Variants in KNSTRN observed in about 807,000 individuals in gnomAD.
KNSTRN encodes kinetochore localized astrin (SPAG5) binding protein, also known as small kinetochore-associated protein.
In KNSTRN, 38 loss-of-function variants were observed where a neutral mutation model predicts 44.7. That is an observed-to-expected ratio of 0.85 (90% confidence interval 0.66 to 1.11). KNSTRN has a LOEUF of 1.11. Ranked by LOEUF, KNSTRN falls within the 50% of genes most tolerant of loss-of-function variation. KNSTRN has a pLI of 0.00. For synonymous variants in KNSTRN, 158 were observed against 148.1 expected (o/e 1.07, Z -0.48); for missense variants, 406 against 375.8 (o/e 1.08, Z -0.66).
chr15:40,386,205 C>A (rs571787315), intron 2 of KNSTRN, among the ~76,000 whole-genome samples, 157 bp from the exon 3 acceptor site: 29 of 151,674 alleles, frequency 1.9e-4, no homozygotes, highest in African/African-American at 6.3e-4. Context: ...CCAGCCTGGG[C>A]CACAGAGCAA....
rs533764900 is a variant in KNSTRN, at chr15:40,390,340, TG to T, written c.685+414del. Among the ~76,000 whole-genome samples the T allele has an allele frequency of 2.6e-5, 4 of 152,346 alleles. No homozygotes were observed. The South Asian group carries it at 6.2e-4, about 24-fold the overall frequency. ...TTTCAAGCATACTAGTAATCCCAAATGGGAAGAGAAAGAAAATACTATTTCA... is the reference window on the plus strand; with the variant it reads ...TTTCAAGCATACTAGTAATCCCAAATGGAAGAGAAAGAAAATACTATTTCA... On this transcript the variant is annotated intron_variant, in intron 6 of 8. Coordinates refer to ENST00000249776, the MANE Select transcript of KNSTRN (RefSeq NM_033286.4).
At chr15:40,389,438 A>G in intron 4 of KNSTRN, 68 bp from the exon 5 acceptor site, 4 of 1,172,958 alleles carry the variant, frequency 3.4e-6, no homozygotes, top group East Asian at 4.7e-5. Context: ...GGCATGAGCT[A>G]CCGCACCTGG....
intron 6 of KNSTRN, 71 bp downstream of exon 6, chr15:40,390,000 G>A: frequency 1.7e-6 from 2 of 1,211,982 alleles, no homozygotes; most frequent in South Asian, 2.4e-5. Context: ...GTTGATCTTG[G>A]CAGCATGGCA....
chr15:40,386,072 T>G (rs1171979125), intron 2 of KNSTRN, among the ~76,000 whole-genome samples: 1 of 152,150 alleles, frequency 6.6e-6, no homozygotes, highest in Non-Finnish European at 1.5e-5. Flanking sequence ...CCTGTCTCTA[T>G]TTTTAAAATT....
intron 2 of KNSTRN, chr15:40,384,008 A>G: frequency 6.4e-6 from 1 of 157,006 alleles, no homozygotes; most frequent in Admixed American, 6.4e-5. Context: ...GTTGTGGGAG[A>G]TTATGGAGTA....
At chr15:40,390,625 T>C (rs1022695247) in intron 6 of KNSTRN, among the ~76,000 whole-genome samples, 1 of 152,150 alleles carries the variant, frequency 6.6e-6, no homozygotes, top group Non-Finnish European at 1.5e-5. Flanking sequence ...TATTCTTTTT[T>C]TTTTTTTGAG....
In KNSTRN at chr15:40,387,159, G is replaced by A. The variant is rs376714140; in HGVS notation, c.438G>A (p.Gly146=). 1 of 1,611,366 alleles carries A rather than the reference G, an allele frequency of 6.2e-7. No individual in the cohort carries two copies. Among genetic ancestry groups the A allele is most frequent in the African/African-American group, 1.3e-5 (1 of 74,820 alleles). The change falls in exon 4 of 9, where the codon GGG becomes GGA. Residue 146 remains glycine, a splice_region_variant and synonymous_variant. Transcript: ENST00000249776. Reference sequence around the variant, plus strand: ...CATTTCTTTGTTTCTGCCCTCCTAGGCAAATGAAAGCTACTGACACTGCCA... The same window carrying A: ...CATTTCTTTGTTTCTGCCCTCCTAGACAAATGAAAGCTACTGACACTGCCA... ...TKITKLRREN[G]QMKATDTATR...
intron 5 of KNSTRN, 78 bp from the exon 6 acceptor site, chr15:40,389,758 C>T (rs764400907): frequency 3.4e-6 from 5 of 1,463,556 alleles, no homozygotes; most frequent in South Asian, 1.1e-5. Flanking sequence ...TATGGCTGTC[C>T]AAGAGCAAGG....
intron 4 of KNSTRN, among the ~76,000 whole-genome samples, chr15:40,388,368 T>G (rs572952351): frequency 6.6e-6 from 1 of 152,368 alleles, no homozygotes; most frequent in Admixed American, 6.5e-5. Flanking sequence ...GAACACGCTC[T>G]TAAGACACAG....
intron 6 of KNSTRN, among the ~76,000 whole-genome samples, chr15:40,390,904 C>T (rs1467333553): frequency 1.3e-5 from 2 of 152,078 alleles, no homozygotes. Flanking sequence ...CATGAGTTAC[C>T]ATGCCCAGCC....
intron 8 of KNSTRN, 85 bp downstream of exon 8, chr15:40,392,108 T>C: frequency 2.5e-6 from 2 of 808,132 alleles, no homozygotes; most frequent in Non-Finnish European, 3.8e-6. Flanking sequence ...TATTTATTTT[T>C]AATAAACTTT....
intron 7 of KNSTRN, 52 bp from the exon 8 acceptor site, chr15:40,391,897 C>T: frequency 7.1e-7 from 1 of 1,403,784 alleles, no homozygotes; most frequent in East Asian, 2.3e-5. Context: ...TCATCTAATG[C>T]AAGTCTGGTT....
intron 2 of KNSTRN, among the ~76,000 whole-genome samples, chr15:40,385,423 G>A (rs1173390738): frequency 6.6e-6 from 1 of 152,196 alleles, no homozygotes; most frequent in East Asian, 1.9e-4. Flanking sequence ...ACTTAACAAA[G>A]GGTAAACAAA....
Position 40,393,768 on chromosome 15 carries a change from C to A in KNSTRN, c.*171C>A. On this transcript the variant is annotated 3_prime_UTR_variant, in exon 9 of 9. Transcript: ENST00000249776. The stretch of plus-strand genomic sequence containing the variant: ...CTGAAATGGCAATTCCTCATTTAAG[C>A]AAGTTTTCCCAACCTTCAGGTTGGT... 1.8e-6 allele frequency: 1 copy of A among 560,462 alleles called. No individual in the cohort carries two copies. The highest frequency in any genetic ancestry group is 2.9e-6 in the Non-Finnish European group (1 of 340,174). The allele number at this position is 560,462 out of a possible 1,614,324, so 34.7% of individuals were successfully genotyped here.
At position 40,389,519 on chromosome 15, in the gene KNSTRN, A is replaced by C. The variant is rs1349135469; in HGVS notation, c.499A>C (p.Ser167Arg). The change falls in exon 5 of 9, where the codon AGT (serine) becomes CGT (arginine). Residue 167 changes from serine to arginine, a missense_variant. Physicochemically the swap from Ser to Arg is moderately radical, Grantham distance 110. Transcript: ENST00000249776. ...RNVRKGYKPLSKQKSEEELKD... is the reference protein window; with the variant it reads ...RNVRKGYKPLRKQKSEEELKD... ...CTATTATTACAGCTACAAACCACTGAGTAAGCAAAAATCAGAGGAAGAGCT... is the reference window on the plus strand; with the variant it reads ...CTATTATTACAGCTACAAACCACTGCGTAAGCAAAAATCAGAGGAAGAGCT... 4 of 1,613,658 alleles carry C rather than the reference A, an allele frequency of 2.5e-6. No individual in the cohort carries two copies. The South Asian group carries it at 3.3e-5, about 13-fold the overall frequency.
At chr15:40,387,407 A>G (rs1355496559) in intron 4 of KNSTRN, among the ~76,000 whole-genome samples, 3 of 152,174 alleles carry the variant, frequency 2.0e-5, no homozygotes, top group Admixed American at 6.5e-5. Flanking sequence ...TGGTGCTACT[A>G]TCTTGTGTCT....
chr15:40,389,743 T>A, intron 5 of KNSTRN, 93 bp from the exon 6 acceptor site: 1 of 1,399,968 alleles, frequency 7.1e-7, no homozygotes, highest in Non-Finnish European at 1.0e-6. Flanking sequence ...AAGCCAGGCT[T>A]TTGCTATGGC....
At chr15:40,389,764 C>A in intron 5 of KNSTRN, 72 bp from the exon 6 acceptor site, 2 of 1,482,562 alleles carry the variant, frequency 1.3e-6, no homozygotes, top group Non-Finnish European at 1.9e-6. Flanking sequence ...TGTCCAAGAG[C>A]AAGGGCAAGA....
At chr15:40,388,041 A>G (rs930150739) in intron 4 of KNSTRN, among the ~76,000 whole-genome samples, 4 of 152,204 alleles carry the variant, frequency 2.6e-5, no homozygotes, top group African/African-American at 9.7e-5. Flanking sequence ...ACAAAATACT[A>G]GCAAAAAAGA....
Sources: gnomAD v4.1 joint callset for allele counts (sites outside exome capture counted in the v4.1 genomes callset) on GRCh38, gnomAD v4.1.1 for gene constraint, MANE v1.5 for transcripts, NCBI Gene and HGNC (gene_info 2026-07-23, HGNC 2026-07-21) for gene names.